KIAA1217: variants seen among roughly 807,000 people sequenced by gnomAD.
KIAA1217 encodes the protein sickle tail protein homolog.
A neutral mutation model predicts 163.9 loss-of-function variants in KIAA1217; 88 were observed. That is an observed-to-expected ratio of 0.54 (90% CI 0.45 to 0.64). The LOEUF is 0.64. Ranked by LOEUF, KIAA1217 falls within the 30% of genes least tolerant of loss-of-function variation. KIAA1217 has a pLI of 0.00. For missense variants in KIAA1217, 2,372 were observed against 2,475.0 expected, an observed-to-expected ratio of 0.96 and a Z score of 0.88; for synonymous variants, 903 against 923.1, an observed-to-expected ratio of 0.98 and a Z score of 0.39.
intron 2 of KIAA1217, among the ~76,000 whole-genome samples, chr10:24,068,457 G>C (rs2061056011): frequency 1.3e-5 from 2 of 152,064 alleles, no homozygotes; most frequent in Non-Finnish European, 2.9e-5. Flanking sequence ...ATATATCTCT[G>C]TTTCATTAGG....
At chr10:23,739,299 G>A (rs1253428040) in intron 1 of KIAA1217, among the ~76,000 whole-genome samples, 1 of 152,038 alleles carries the variant, frequency 6.6e-6, no homozygotes, top group African/African-American at 2.4e-5. Context: ...GTTATTTTGG[G>A]TGATCGATAC....
At chr10:23,863,508 A>G (rs1840050085) in intron 1 of KIAA1217, among the ~76,000 whole-genome samples, 2 of 152,104 alleles carry the variant, frequency 1.3e-5, no homozygotes. Flanking sequence ...CTATGTGAGG[A>G]TACGGTTCAT....
At chr10:24,395,625 A>G (rs1365440629) in intron 3 of KIAA1217, among the ~76,000 whole-genome samples, 1 of 152,214 alleles carries the variant, frequency 6.6e-6, no homozygotes, top group Non-Finnish European at 1.5e-5. Flanking sequence ...TTCTAGGGCT[A>G]GGCACGTTCT....
rs1211612322 is a variant in KIAA1217, at chr10:23,741,599, G to A, written c.-321+46365G>A. 2.0e-5 allele frequency among the ~76,000 whole-genome samples: 3 copies of A among 152,184 alleles called. No individual in the cohort carries two copies. The East Asian group carries it at 5.8e-4, about 29-fold the overall frequency. ...ATGACATCAGTAGGTTGCTTCAGGA[G>A]ACACTGGTCTGTAAGCACATAGGCT... is the stretch of plus-strand genomic sequence containing the variant. On this transcript the variant is annotated intron_variant, in intron 1 of 18. Coordinates refer to the KIAA1217 transcript ENST00000376462.
At chr10:24,164,075 G>T (rs899912203) in intron 2 of KIAA1217, among the ~76,000 whole-genome samples, 1 of 152,182 alleles carries the variant, frequency 6.6e-6, no homozygotes, top group Non-Finnish European at 1.5e-5. Flanking sequence ...ACCATATATA[G>T]AGTAGACTAG....
At chr10:24,049,929 A>G (rs1489028070) in intron 2 of KIAA1217, among the ~76,000 whole-genome samples, 2 of 152,172 alleles carry the variant, frequency 1.3e-5, no homozygotes, top group Non-Finnish European at 2.9e-5. Flanking sequence ...CACCAACAGT[A>G]TAAAAGCATT....
intron 1 of KIAA1217, among the ~76,000 whole-genome samples, chr10:23,825,288 T>A (rs978164961): frequency 2.0e-5 from 3 of 152,254 alleles, no homozygotes; most frequent in African/African-American, 7.2e-5. Flanking sequence ...AAATGAACGC[T>A]CATTATCTCT....
At chr10:24,245,735 A>T (rs530769194) in intron 2 of KIAA1217, among the ~76,000 whole-genome samples, 41 of 152,010 alleles carry the variant, frequency 2.7e-4, no homozygotes, top group Non-Finnish European at 4.7e-4. Flanking sequence ...GGGCTCAAGC[A>T]ATCCTCCTGC....
chr10:23,869,133 T>G lies in KIAA1217; in HGVS notation c.-320-138092T>G, dbSNP rs1464689620. ...GCAATCATGAAATGTAGTTTTTTTT[T>G]TTTTTTTTTTTTTTTTTTTTTGCAT... On this transcript the variant is annotated intron_variant, in intron 1 of 18. Coordinates refer to the KIAA1217 transcript ENST00000376462. Among the ~76,000 whole-genome samples, 426 of 141,492 alleles carry G rather than the reference T, an allele frequency of 3.0e-3. 6 individuals are homozygous for G. The highest frequency in any genetic ancestry group is 0.011 in the African/African-American group (408 of 37,522). 92.8% of individuals were successfully genotyped at this position (141,492 alleles called of 152,430 possible). A position where few individuals can be genotyped will look rare whatever the true frequency, so the allele number is the denominator to read the frequency against.
chr10:24,501,429 G>A lies in KIAA1217; in HGVS notation c.1885G>A (p.Val629Met). ...GKMLSALEST[V>M]PPSQPPPVGT... ...GATGCTCAGTGCTCTGGAGTCCACG[G>A]TGCCTCCCAGCCAGCCTCCACCTGT... The change falls in exon 9 of 21, where the codon GTG becomes ATG. Residue 629 changes from valine to methionine, a missense_variant. Val to Met is a conservative substitution (Grantham distance 21, BLOSUM62 1). Around this residue, in one of 3 missense-constraint regions of KIAA1217, gnomAD observed 1,431 missense variants for 1,470.3 expected, o/e 0.97. Coordinates refer to ENST00000376454, the MANE Select transcript of KIAA1217 (RefSeq NM_019590.5). 6.2e-7 allele frequency: 1 copy of A among 1,614,022 alleles called. No homozygotes were observed.
chr10:24,462,079 T>C (rs1300957644), intron 5 of KIAA1217, among the ~76,000 whole-genome samples: 1 of 152,116 alleles, frequency 6.6e-6, no homozygotes, highest in East Asian at 1.9e-4. Context: ...TATGTATACA[T>C]ATGTATAACT....
chr10:23,809,596 T>C (rs1174000422), intron 1 of KIAA1217, among the ~76,000 whole-genome samples: 1 of 151,974 alleles, frequency 6.6e-6, no homozygotes, highest in Admixed American at 6.6e-5. Flanking sequence ...ACTAAATGCT[T>C]TAAACATACC....
chr10:23,907,972 C>A (rs551600113), intron 1 of KIAA1217, among the ~76,000 whole-genome samples: 16 of 151,972 alleles, frequency 1.1e-4, no homozygotes, highest in Non-Finnish European at 2.2e-4. Context: ...GAAAATTCTT[C>A]TTTGCTTGAG....
intron 9 of KIAA1217, 21 bp from the exon 10 acceptor site, chr10:24,513,238 T>C (rs754885505): frequency 6.2e-7 from 1 of 1,611,400 alleles, no homozygotes; most frequent in Non-Finnish European, 8.5e-7. Flanking sequence ...CCCACTGAGG[T>C]TGATTTTTTT....
intron 2 of KIAA1217, among the ~76,000 whole-genome samples, chr10:24,333,064 C>G (rs1355048140): frequency 6.6e-6 from 1 of 152,084 alleles, no homozygotes; most frequent in East Asian, 1.9e-4. Flanking sequence ...CTCTGTCACC[C>G]AGGCTGGAGC....
At chr10:24,180,280 C>CTTTTT (rs34268461) in intron 2 of KIAA1217, among the ~76,000 whole-genome samples, 2 of 83,178 alleles carry the variant, frequency 2.4e-5, no homozygotes, top group Non-Finnish European at 4.6e-5. Flanking sequence ...CCTCAACCTT[C>CTTTTT]TTTTTTTTTT....
intron 9 of KIAA1217, 102 bp from the exon 10 acceptor site, chr10:24,513,157 G>T (rs111757251): frequency 3.0e-6 from 3 of 1,007,924 alleles, no homozygotes; most frequent in Non-Finnish European, 4.5e-6. Context: ...AGATTCAGCC[G>T]CAGGGCTGTC....
intron 3 of KIAA1217, among the ~76,000 whole-genome samples, chr10:24,419,204 A>G (rs945418170): frequency 7.3e-5 from 11 of 151,062 alleles, no homozygotes; most frequent in African/African-American, 2.7e-4. Flanking sequence ...AGAAAATCTC[A>G]TTCTTTCTGA....
chr10:23,700,225 G>T (rs1040464513), intron 1 of KIAA1217, among the ~76,000 whole-genome samples: 1 of 152,080 alleles, frequency 6.6e-6, no homozygotes, highest in African/African-American at 2.4e-5. Flanking sequence ...TCCTCTTACA[G>T]AAAGCATTCA....
Sources: gnomAD v4.1 joint callset for allele counts (sites outside exome capture counted in the v4.1 genomes callset) on GRCh38, gnomAD v4.1.1 for gene constraint, gnomAD v4.1.1 regional missense constraint, MANE v1.5 for transcripts, NCBI Gene and HGNC (gene_info 2026-07-23, HGNC 2026-07-21) for gene names.